Variants in GALNT17 observed in about 807,000 individuals in gnomAD.
GALNT17 encodes polypeptide N-acetylgalactosaminyltransferase 17, also known as UDP-GalNAc:polypeptide N-acetylgalactosaminyltransferase-like 3.
In GALNT17, 29 loss-of-function variants were observed where a neutral mutation model predicts 63.7. The observed-to-expected ratio is 0.46, with a 90% CI of 0.34 to 0.62. The LOEUF (loss-of-function observed/expected upper bound fraction) is 0.62. GALNT17 is among the 20% of genes least tolerant of loss of function. The probability of loss-of-function intolerance (pLI) is 0.01; values close to 1 mark genes in which losing one functional copy is unlikely to be tolerated. For synonymous variants in GALNT17, 305 were observed against 318.3 expected, an observed-to-expected ratio of 0.96 and a Z score of 0.45; for missense variants, 603 against 799.6, an observed-to-expected ratio of 0.75 and a Z score of 2.97.
intron 2 of GALNT17, among the ~76,000 whole-genome samples, chr7:71,344,523 G>C (rs375038039): frequency 6.6e-6 from 1 of 152,080 alleles, no homozygotes; most frequent in African/African-American, 2.4e-5. Flanking sequence ...GCCAGTAAAA[G>C]ATTAGAGTCA....
chr7:71,230,237 A>G (rs1015658967), intron 1 of GALNT17, among the ~76,000 whole-genome samples: 11 of 151,508 alleles, frequency 7.3e-5, no homozygotes, highest in Non-Finnish European at 1.3e-4. Context: ...ATCATTTCAG[A>G]ATACTTTCAG....
At chr7:71,495,266 A>T (rs1216209552) in intron 5 of GALNT17, among the ~76,000 whole-genome samples, 1 of 151,946 alleles carries the variant, frequency 6.6e-6, no homozygotes, top group Non-Finnish European at 1.5e-5. Flanking sequence ...ACAGAGCAAG[A>T]CACCATCTCA....
intron 1 of GALNT17, among the ~76,000 whole-genome samples, chr7:71,322,257 A>G (rs192065543): frequency 4.0e-4 from 61 of 152,162 alleles, no homozygotes; most frequent in African/African-American, 1.4e-3. Flanking sequence ...CCTGGCCTCA[A>G]TTTTCTTATC....
chr7:71,314,738 C>T (rs1015285220), intron 1 of GALNT17, among the ~76,000 whole-genome samples: 1 of 152,022 alleles, frequency 6.6e-6, no homozygotes, highest in African/African-American at 2.4e-5. Context: ...CCTATCTCTA[C>T]AAGAAATTAA....
intron 2 of GALNT17, among the ~76,000 whole-genome samples, chr7:71,375,431 TTC>T (rs944431447): frequency 3.3e-5 from 5 of 152,050 alleles, no homozygotes; most frequent in African/African-American, 1.2e-4. Flanking sequence ...TTTTATGGCC[TTC>T]AGAGATGGTC....
intron 1 of GALNT17, among the ~76,000 whole-genome samples, chr7:71,249,674 T>C (rs1790161477): frequency 6.6e-6 from 1 of 152,256 alleles, no homozygotes; most frequent in Non-Finnish European, 1.5e-5. Flanking sequence ...TACTTTGTGA[T>C]AGAGTAATTC....
At chr7:71,415,704 G>A (rs556505981) in intron 3 of GALNT17, among the ~76,000 whole-genome samples, 185 bp from the exon 4 acceptor site, 5 of 152,260 alleles carry the variant, frequency 3.3e-5, no homozygotes, top group African/African-American at 9.6e-5. Flanking sequence ...GCTGTCCTGG[G>A]TGAATGCATC....
rs74300678 is a variant in GALNT17, at chr7:71,293,794, A to G, written c.239-41756A>G. Among the ~76,000 whole-genome samples the G allele has an allele frequency of 3.9e-5, 6 of 152,316 alleles. No individual in the cohort carries two copies. In the East Asian group the frequency reaches 1.2e-3, roughly 29 times the overall value. On this transcript the variant is annotated intron_variant, in intron 1 of 10. Coordinates refer to ENST00000333538, the MANE Select transcript of GALNT17 (RefSeq NM_022479.3). ...CCCCAAGCTTGTAAGGTTTCTGTGAAGAAACGTCCTGTTAGTTTCATGGTA... is the reference window on the plus strand; with the variant it reads ...CCCCAAGCTTGTAAGGTTTCTGTGAGGAAACGTCCTGTTAGTTTCATGGTA...
rs373283698 is a variant in GALNT17, at chr7:71,388,349, G to A, written c.537G>A (p.Thr179=). Residue 179 remains threonine, a synonymous_variant, in exon 3 of 11, where the codon ACG becomes ACA. Coordinates refer to ENST00000333538, the MANE Select transcript of GALNT17 (RefSeq NM_022479.3). The stretch of plus-strand genomic sequence containing the variant: ...CCGTGCACAGTGCCGTCAATCACAC[G>A]CCCACACACCTGCTGAAGGAAATCA... The part of the protein sequence containing the change: ...LRSVHSAVNH[T]PTHLLKEIIL... The A allele has an allele frequency of 2.2e-5, 35 of 1,613,774 alleles. No individual in the cohort carries two copies. The highest frequency in any genetic ancestry group is 2.5e-5 in the Non-Finnish European group (30 of 1,179,986).
At chr7:71,239,924 A>T (rs545405856) in intron 1 of GALNT17, among the ~76,000 whole-genome samples, 64 of 152,362 alleles carry the variant, frequency 4.2e-4, no homozygotes, top group Admixed American at 1.2e-3. Flanking sequence ...GGTTGTTTGC[A>T]GAGCTTATTA....
chr7:71,267,199 A>G (rs1249407529), intron 1 of GALNT17, among the ~76,000 whole-genome samples: 1 of 152,212 alleles, frequency 6.6e-6, no homozygotes, highest in Non-Finnish European at 1.5e-5. Flanking sequence ...TGTCCAAGCC[A>G]GGCTCTGGTT....
chr7:71,472,332 T>A (rs191561327), intron 5 of GALNT17, among the ~76,000 whole-genome samples: 3 of 152,322 alleles, frequency 2.0e-5, no homozygotes, highest in Admixed American at 2.0e-4. Context: ...TCATAATGGT[T>A]ATTGTGGAAG....
At chr7:71,277,293 C>T (rs928861969) in intron 1 of GALNT17, among the ~76,000 whole-genome samples, 1 of 152,054 alleles carries the variant, frequency 6.6e-6, no homozygotes, top group African/African-American at 2.4e-5. Flanking sequence ...ACAATGGGTA[C>T]ACTCGCATAG....
At position 71,158,975 on chromosome 7, in the gene GALNT17, T is replaced by C. The variant is rs566290709; in HGVS notation, c.238+25935T>C. On this transcript the variant is annotated intron_variant, in intron 1 of 10. Coordinates refer to ENST00000333538, the MANE Select transcript of GALNT17 (RefSeq NM_022479.3). ...TTGCTGGTAGTACAATTTTTATATTTCTTAAAGTGTAAAATCTGCTCCTCG... is the reference window on the plus strand; with the variant it reads ...TTGCTGGTAGTACAATTTTTATATTCCTTAAAGTGTAAAATCTGCTCCTCG... Among the ~76,000 whole-genome samples, 40 of 152,000 alleles carry C rather than the reference T, an allele frequency of 2.6e-4. 2 individuals are homozygous for C. The highest frequency in any genetic ancestry group is 8.7e-4 in the African/African-American group (36 of 41,254).
At chr7:71,453,358 G>T (rs1179468435) in intron 5 of GALNT17, among the ~76,000 whole-genome samples, 1 of 152,202 alleles carries the variant, frequency 6.6e-6, no homozygotes, top group Non-Finnish European at 1.5e-5. Flanking sequence ...AGAGAAAGAG[G>T]TTTAATGGGC....
intron 5 of GALNT17, among the ~76,000 whole-genome samples, chr7:71,521,318 G>A (rs1229265007): frequency 6.6e-6 from 1 of 151,936 alleles, no homozygotes; most frequent in Admixed American, 6.6e-5. Context: ...TCCCCAGGTG[G>A]ACACAGCAGC....
intron 5 of GALNT17, among the ~76,000 whole-genome samples, chr7:71,554,597 C>T (rs1221584754): frequency 6.6e-6 from 1 of 152,192 alleles, no homozygotes; most frequent in Non-Finnish European, 1.5e-5. Flanking sequence ...GGTCCTCTCT[C>T]TGCCTAAACA....
intron 1 of GALNT17, among the ~76,000 whole-genome samples, chr7:71,139,854 G>A (rs149180375): frequency 2.3e-4 from 35 of 152,228 alleles, no homozygotes; most frequent in African/African-American, 7.5e-4. Flanking sequence ...TAAGCCAGGC[G>A]TGGTGACGGG....
intron 5 of GALNT17, among the ~76,000 whole-genome samples, chr7:71,514,294 G>A (rs970661587): frequency 1.3e-5 from 2 of 152,168 alleles, no homozygotes; most frequent in African/African-American, 4.8e-5. Context: ...AACGATCAAG[G>A]ATGGCACTGT....
Sources: allele counts gnomAD v4.1 joint callset (sites outside exome capture counted in the v4.1 genomes callset), GRCh38; gene constraint gnomAD v4.1.1; transcripts MANE v1.5; gene names NCBI Gene and HGNC (gene_info 2026-07-23, HGNC 2026-07-21).